XXYLT1: variants seen among roughly 807,000 people sequenced by gnomAD.
XXYLT1 encodes xyloside xylosyltransferase 1, also known as UDP-xylose:alpha-xyloside alpha-1,3-xylosyltransferase.
XXYLT1 carries 20 observed loss-of-function variants against 28.9 expected under a neutral mutation model. The observed-to-expected ratio is 0.69, with a 90% CI of 0.49 to 1.00. The LOEUF (loss-of-function observed/expected upper bound fraction) is 1.00. XXYLT1 is among the 50% of genes least tolerant of loss of function. The probability of loss-of-function intolerance (pLI) is 0.00; values close to 1 mark genes in which losing one functional copy is unlikely to be tolerated. For missense variants in XXYLT1, 542 were observed against 560.1 expected, an observed-to-expected ratio of 0.97 and a Z score of 0.33; for synonymous variants, 257 against 253.8, an observed-to-expected ratio of 1.01 and a Z score of -0.12.
At chr3:195,178,525 T>A (rs1054766475) in intron 2 of XXYLT1, among the ~76,000 whole-genome samples, 15 of 152,150 alleles carry the variant, frequency 9.9e-5, no homozygotes, top group Admixed American at 9.2e-4. Flanking sequence ...ACTCAGTGTC[T>A]CCAGCAGGAC....
At chr3:195,137,213 G>T (rs1489985072) in intron 3 of XXYLT1, among the ~76,000 whole-genome samples, 1 of 152,162 alleles carries the variant, frequency 6.6e-6, no homozygotes, top group Non-Finnish European at 1.5e-5. Flanking sequence ...TTTCTTCTGG[G>T]GCAGGGGAAG....
chr3:195,105,946 C>T (rs888337311), intron 3 of XXYLT1, among the ~76,000 whole-genome samples: 1 of 152,198 alleles, frequency 6.6e-6, no homozygotes, highest in Non-Finnish European at 1.5e-5. Flanking sequence ...AAGACTAAAG[C>T]CTTCCCCTTT....
intron 2 of XXYLT1, among the ~76,000 whole-genome samples, chr3:195,182,429 C>T (rs6766307): frequency 0.047 from 7,108 of 152,262 alleles, 586 homozygotes; most frequent in African/African-American, 0.16. Flanking sequence ...TGGAAGGTAA[C>T]ATCTCCATCC....
chr3:195,104,012 T>C (rs544650832), intron 3 of XXYLT1, among the ~76,000 whole-genome samples: 1 of 152,252 alleles, frequency 6.6e-6, no homozygotes, highest in Admixed American at 6.5e-5. Flanking sequence ...TACATTTTCC[T>C]ATAACAACTA....
intron 3 of XXYLT1, among the ~76,000 whole-genome samples, chr3:195,088,325 C>T (rs1038849465): frequency 6.7e-6 from 1 of 149,466 alleles, no homozygotes; most frequent in South Asian, 2.2e-4. Context: ...TCCCAGCACG[C>T]AGCTGGAGAT....
chr3:195,118,284 CT>C (rs1718154688), intron 3 of XXYLT1, among the ~76,000 whole-genome samples: 1 of 152,250 alleles, frequency 6.6e-6, no homozygotes, highest in South Asian at 2.1e-4. Flanking sequence ...AGCACTACCC[CT>C]ATCAGAAAAA....
rs539486275 is a variant in XXYLT1, at chr3:195,164,646, CAG to C, written c.653-8067_653-8066del. 1.8e-4 allele frequency among the ~76,000 whole-genome samples: 27 copies of C among 152,348 alleles called. No individual in the cohort carries two copies. The East Asian group carries it at 4.8e-3, about 27-fold the overall frequency. On this transcript the variant is annotated intron_variant, in intron 2 of 3. Transcript: ENST00000310380. ...ACCCCACAACTATTTCTGCAATGCCCAGAGAGTTCTGTGAGCAGGATGCCTCA... is the reference window on the plus strand; with the variant it reads ...ACCCCACAACTATTTCTGCAATGCCCAGAGTTCTGTGAGCAGGATGCCTCA...
chr3:195,157,656 C>T (rs918725808), intron 2 of XXYLT1, among the ~76,000 whole-genome samples: 3 of 152,300 alleles, frequency 2.0e-5, no homozygotes, highest in Non-Finnish European at 2.9e-5. Context: ...TGACCAGGAC[C>T]CTGCCCTCAA....
chr3:195,228,029 C>T (rs1406770066), intron 1 of XXYLT1, among the ~76,000 whole-genome samples: 2 of 152,210 alleles, frequency 1.3e-5, no homozygotes, highest in Non-Finnish European at 2.9e-5. Context: ...TTCTACGACA[C>T]ACAGGAGGCA....
At chr3:195,075,323 G>A (rs1715052915) in intron 3 of XXYLT1, among the ~76,000 whole-genome samples, 1 of 152,214 alleles carries the variant, frequency 6.6e-6, no homozygotes, top group African/African-American at 2.4e-5. Flanking sequence ...GCTCCTCATA[G>A]AGCCACGGTC....
chr3:195,259,365 T>C (rs1036672886), intron 1 of XXYLT1, among the ~76,000 whole-genome samples: 3 of 152,120 alleles, frequency 2.0e-5, no homozygotes, highest in Non-Finnish European at 4.4e-5. Context: ...GAAGTCAAGG[T>C]CCCTGTGGCT....
intron 1 of XXYLT1, among the ~76,000 whole-genome samples, chr3:195,264,971 C>T (rs1253676358): frequency 6.6e-6 from 1 of 152,066 alleles, no homozygotes; most frequent in African/African-American, 2.4e-5. Flanking sequence ...GCAGGAGGAT[C>T]CCCTAAGCCC....
At chr3:195,212,875 C>T (rs902243986) in intron 2 of XXYLT1, among the ~76,000 whole-genome samples, 2 of 152,204 alleles carry the variant, frequency 1.3e-5, no homozygotes, top group African/African-American at 4.8e-5. Context: ...CCTCAGTCAC[C>T]CTCTGGGTTG....
chr3:195,095,053 C>T (rs1261307397), intron 3 of XXYLT1, among the ~76,000 whole-genome samples: 1 of 152,222 alleles, frequency 6.6e-6, no homozygotes, highest in African/African-American at 2.4e-5. Flanking sequence ...GACAAGCCCC[C>T]AGGTGATACC....
rs138970315 is a variant in XXYLT1 at position 195,173,446 on chromosome 3, C to A, written c.653-16865G>T. 1.1e-4 allele frequency among the ~76,000 whole-genome samples: 16 copies of A among 152,332 alleles called. No homozygotes were observed. In the East Asian group the frequency reaches 2.7e-3, roughly 26 times the overall value. On this transcript the variant is annotated intron_variant, in intron 2 of 3. Coordinates refer to ENST00000310380, the MANE Select transcript of XXYLT1 (RefSeq NM_152531.5). The surrounding 1 kb of genome is among the most constrained non-coding windows in gnomAD (Gnocchi z 4.3). ...CTCGACACTAAGTAACATTCTGGTT[C>A]ATATAAGACTGGGCGGAAGAACAGC...
chr3:195,242,711 G>A (rs1279704906), intron 1 of XXYLT1, among the ~76,000 whole-genome samples: 2 of 152,138 alleles, frequency 1.3e-5, no homozygotes, highest in African/African-American at 4.8e-5. Flanking sequence ...TATTTACACA[G>A]CCCGCAGAAA....
intron 3 of XXYLT1, among the ~76,000 whole-genome samples, chr3:195,110,166 G>A (rs2108692173): frequency 1.5e-5 from 1 of 65,536 alleles, no homozygotes; most frequent in South Asian, 5.2e-4. Flanking sequence ...GTTGTGTGTG[G>A]TGTCTGAGTA....
chr3:195,187,812 G>T (rs1047222146), intron 2 of XXYLT1, among the ~76,000 whole-genome samples: 1 of 152,184 alleles, frequency 6.6e-6, no homozygotes, highest in Non-Finnish European at 1.5e-5. Context: ...GATTAACAAA[G>T]TTGTGCATTT....
At chr3:195,119,082 C>T (rs1474270981) in intron 3 of XXYLT1, among the ~76,000 whole-genome samples, 1 of 151,862 alleles carries the variant, frequency 6.6e-6, no homozygotes, top group Non-Finnish European at 1.5e-5. Context: ...TTAAGACCAG[C>T]CTGGCCAGCA....
Sources: gnomAD v4.1 joint callset for allele counts (sites outside exome capture counted in the v4.1 genomes callset) on GRCh38, gnomAD v4.1.1 for gene constraint, Gnocchi (gnomAD v3.1) non-coding constraint, MANE v1.5 for transcripts, NCBI Gene and HGNC (gene_info 2026-07-23, HGNC 2026-07-21) for gene names.